Variants in FUT8 observed in about 807,000 individuals in gnomAD.
The protein encoded by FUT8 is alpha-(1,6)-fucosyltransferase.
Under a neutral mutation model 71.3 loss-of-function variants are expected in FUT8, and 29 were observed. The ratio of observed to expected loss-of-function variants is 0.41; its 90% CI spans 0.30 to 0.55. The LOEUF is 0.55. Among genes scored for constraint, FUT8 ranks in the 20% least tolerant of loss-of-function variants. FUT8 has a pLI of 0.34. For missense variants in FUT8, 544 were observed against 702.1 expected, an observed-to-expected ratio of 0.77 and a Z score of 2.55; for synonymous variants, 254 against 239.3, an observed-to-expected ratio of 1.06 and a Z score of -0.57.
upstream of FUT8, chr14:65,411,184 T>C (rs1313266964): frequency 6.6e-6 from 1 of 152,242 alleles, no homozygotes; most frequent in African/African-American, 2.4e-5. Flanking sequence ...TATTGAATTA[T>C]TTTATTGAAT....
At chr14:65,634,073 C>T (rs1188240929) in intron 6 of FUT8, among the ~76,000 whole-genome samples, 2 of 152,206 alleles carry the variant, frequency 1.3e-5, no homozygotes, top group East Asian at 3.8e-4. Flanking sequence ...TACCCAACAG[C>T]TCATTGAGAA....
intron 7 of FUT8, among the ~76,000 whole-genome samples, chr14:65,700,508 A>G (rs1233686917): frequency 6.8e-6 from 1 of 147,108 alleles, no homozygotes; most frequent in Non-Finnish European, 1.5e-5. Context: ...CTCCTGCCTC[A>G]GCCTCCCGAG....
intron 1 of FUT8, among the ~76,000 whole-genome samples, chr14:65,434,107 C>T (rs2065518703): frequency 6.6e-6 from 1 of 152,010 alleles, no homozygotes; most frequent in East Asian, 1.9e-4. Flanking sequence ...TTAGAGAAGC[C>T]AAATATTTTG....
chr14:65,587,203 CAAAA>C (rs1052249531), intron 3 of FUT8, among the ~76,000 whole-genome samples: 120 of 145,940 alleles, frequency 8.2e-4, no homozygotes, highest in African/African-American at 2.8e-3. Context: ...AAAAAAAAAA[CAAAA>C]AAAACTAATT....
upstream of FUT8, among the ~76,000 whole-genome samples, chr14:65,407,699 T>C (rs1408600321): frequency 2.0e-5 from 3 of 152,248 alleles, no homozygotes; most frequent in African/African-American, 4.8e-5. Context: ...TACAGTGTTA[T>C]GGTGGGAACA....
At chr14:65,427,146 A>C (rs1043136079) in intron 1 of FUT8, among the ~76,000 whole-genome samples, 1 of 151,958 alleles carries the variant, frequency 6.6e-6, no homozygotes, top group African/African-American at 2.4e-5. Flanking sequence ...ACAGGCGTGA[A>C]CCACCGCGCC....
chr14:65,469,953 G>T (rs1363881401), intron 2 of FUT8, among the ~76,000 whole-genome samples: 1 of 152,142 alleles, frequency 6.6e-6, no homozygotes. Context: ...CAACGTTCAG[G>T]CCCTCCCTGG....
chr14:65,643,664 AT>A lies in FUT8; in HGVS notation c.597+14059del, dbSNP rs1206156214. The stretch of plus-strand genomic sequence containing the variant: ...GCGAGACTCCGTCTTTAAAAAAAAA[AT>A]ACACACACACACACACACACACACA... On this transcript the variant is annotated intron_variant, in intron 6 of 10. Transcript: ENST00000673929. The surrounding 1 kb of genome is among the most constrained non-coding windows in gnomAD (Gnocchi z 4.5). 6.6e-3 allele frequency among the ~76,000 whole-genome samples: 546 copies of A among 82,378 alleles called. 6 individuals carry two copies. The highest frequency in any genetic ancestry group is 0.013 in the South Asian group (31 of 2,352). The allele number at this position is 82,378 out of a possible 152,430, so 54.0% of individuals were successfully genotyped here.
chr14:65,410,582 T>G (rs933546277), upstream of FUT8: 5 of 151,588 alleles, frequency 3.3e-5, no homozygotes, highest in Non-Finnish European at 7.4e-5. Context: ...CAGGTTTTTT[T>G]TTTTTTTTTT....
the FUT8 span, among the ~76,000 whole-genome samples, chr14:65,389,917 C>T: frequency 4.0e-5 from 6 of 150,690 alleles, no homozygotes; most frequent in Non-Finnish European, 5.9e-5. Flanking sequence ...CTGAGGTGGG[C>T]GGATCATGAG....
intron 2 of FUT8, among the ~76,000 whole-genome samples, chr14:65,528,381 T>G (rs1041098049): frequency 8.5e-5 from 13 of 152,228 alleles, no homozygotes; most frequent in Admixed American, 7.2e-4. Flanking sequence ...GTGTGCCATT[T>G]GCTTAAGACC....
rs1566851609 is a variant in FUT8, at chr14:65,611,302, C to CACACACACACACA, written c.204-4676_204-4675insACACACACACACA. Reference sequence around the variant, plus strand: ...ACACACACACACACACACACACACACCCCCCAAGTAATAGCCTTGATTTTG... The same window carrying CACACACACACACA: ...ACACACACACACACACACACACACACACACACACACACACCCCCAAGTAATAGCCTTGATTTTG... On this transcript the variant is annotated intron_variant, in intron 3 of 10. Transcript: ENST00000673929. Among the ~76,000 whole-genome samples, 4 of 38,470 alleles carry CACACACACACACA rather than the reference C, an allele frequency of 1.0e-4. 1 individual carries two copies. The highest frequency in any genetic ancestry group is 6.0e-4 in the African/African-American group (4 of 6,640). 25.2% of individuals were successfully genotyped at this position (38,470 alleles called of 152,430 possible). A position where few individuals can be genotyped will look rare whatever the true frequency, so the allele number is the denominator to read the frequency against.
the FUT8 span, among the ~76,000 whole-genome samples, chr14:65,380,889 GTC>G: frequency 6.6e-6 from 1 of 152,170 alleles, no homozygotes; most frequent in Non-Finnish European, 1.5e-5. Flanking sequence ...AAAATTAGAA[GTC>G]TTCTAGCTTG....
chr14:65,739,615 G>T (rs1430496976), intron 10 of FUT8, among the ~76,000 whole-genome samples: 3 of 152,010 alleles, frequency 2.0e-5, no homozygotes, highest in African/African-American at 7.2e-5. Flanking sequence ...ACAAGGTCCT[G>T]CATTCCTGGC....
chr14:65,385,848 A>AT, the FUT8 span, among the ~76,000 whole-genome samples: 3 of 151,754 alleles, frequency 2.0e-5, no homozygotes, highest in Non-Finnish European at 4.4e-5. Flanking sequence ...AGCCTATTAT[A>AT]TTTCGCATTT....
intron 2 of FUT8, among the ~76,000 whole-genome samples, chr14:65,549,556 G>A (rs1259562950): frequency 6.6e-6 from 1 of 152,086 alleles, no homozygotes; most frequent in African/African-American, 2.4e-5. Flanking sequence ...GATAAATTTT[G>A]TTCTGAGAAG....
intron 3 of FUT8, among the ~76,000 whole-genome samples, chr14:65,606,489 GA>G (rs1888597971): frequency 6.6e-6 from 1 of 151,778 alleles, no homozygotes; most frequent in South Asian, 2.1e-4. Context: ...AGATCATGAA[GA>G]ATGCAAAATT....
chr14:65,444,985 C>G (rs1029799772), intron 1 of FUT8, among the ~76,000 whole-genome samples: 4 of 152,040 alleles, frequency 2.6e-5, no homozygotes, highest in Non-Finnish European at 5.9e-5. Context: ...GCGGGTGGAT[C>G]ATGAGGTCAG....
chr14:65,709,592 G>C (rs1166215667), intron 7 of FUT8, among the ~76,000 whole-genome samples: 1 of 152,142 alleles, frequency 6.6e-6, no homozygotes, highest in East Asian at 1.9e-4. Context: ...TACTCCTCAA[G>C]AGTTTCCACA....
Sources: gnomAD v4.1 joint callset for allele counts (sites outside exome capture counted in the v4.1 genomes callset) on GRCh38, gnomAD v4.1.1 for gene constraint, Gnocchi (gnomAD v3.1) non-coding constraint, MANE v1.5 for transcripts, NCBI Gene and HGNC (gene_info 2026-07-23, HGNC 2026-07-21) for gene names.